The following EPB41L2 variants were observed in gnomAD, a reference collection of about 807,000 sequenced individuals.
EPB41L2 encodes the protein erythrocyte membrane protein band 4.1 like 2.
A neutral mutation model predicts 113.0 loss-of-function variants in EPB41L2; 43 were observed. That is an observed-to-expected ratio of 0.38 (90% CI 0.30 to 0.49). The LOEUF is 0.49. Among genes scored for constraint, EPB41L2 ranks in the 20% least tolerant of loss-of-function variants. The pLI is 0.95. For missense variants in EPB41L2, 1,147 were observed against 1,223.4 expected (o/e 0.94, Z 0.93); for synonymous variants, 442 against 436.7 (o/e 1.01, Z -0.15).
Position 130,956,277 on chromosome 6 carries a change from T to G in EPB41L2, c.209A>C (p.Glu70Ala), listed in dbSNP as rs139590826. The G allele has an allele frequency of 1.1e-4, 177 of 1,614,226 alleles. No homozygotes were observed. In the African/African-American group the frequency reaches 2.0e-3, roughly 18 times the overall value. Residue 70 changes from glutamate (E) to alanine (A), a missense_variant, in exon 2 of 20, where the codon GAG becomes GCG. Transcript: ENST00000337057. ...RRQKREKETS[E>A]SRGISRFIPP... ...TATGAACCGAGAAATACCCCTGCTC[T>G]CCGATGTTTCCTTCTCTCTCTTCTG...
Position 130,926,844 on chromosome 6 carries a change from T to A in EPB41L2, c.706-135A>T. ...TTTGTTTTCTCATTTTCTAACAATA[T>A]AAAAGTGATTAATTTTTTAACTTTA... On this transcript the variant is annotated intron_variant, in intron 3 of 19. Transcript: ENST00000337057. The A allele has an allele frequency of 6.8e-6, 4 of 590,958 alleles. No homozygotes were observed. In the South Asian group the frequency reaches 1.0e-4, roughly 15 times the overall value. 36.6% of individuals were successfully genotyped at this position (590,958 alleles called of 1,614,324 possible).
chr6:130,955,914 G>T, intron 2 of EPB41L2, 80 bp downstream of exon 2: 3 of 1,526,778 alleles, frequency 2.0e-6, no homozygotes, highest in Middle Eastern at 3.5e-4. Flanking sequence ...ATCTGGAAAT[G>T]ATCCAAAACA....
At chr6:130,940,296 T>C (rs954446925) in intron 3 of EPB41L2, among the ~76,000 whole-genome samples, 1 of 152,090 alleles carries the variant, frequency 6.6e-6, no homozygotes, top group Non-Finnish European at 1.5e-5. Context: ...CCTGAACAAA[T>C]GTTTCTGGTA....
intron 1 of EPB41L2, among the ~76,000 whole-genome samples, chr6:131,004,034 T>C (rs1784922633): frequency 6.6e-6 from 1 of 152,250 alleles, no homozygotes; most frequent in Non-Finnish European, 1.5e-5. Flanking sequence ...CATCAAATAT[T>C]GTCAAGGATC....
intron 1 of EPB41L2, among the ~76,000 whole-genome samples, chr6:130,973,953 G>A (rs1448319486): frequency 6.6e-6 from 1 of 152,140 alleles, no homozygotes; most frequent in African/African-American, 2.4e-5. Flanking sequence ...ACCTATAGCA[G>A]CACTGGGCCC....
In EPB41L2 at chr6:130,953,848, G is replaced by C. The variant is rs925199021; in HGVS notation, c.705+1257C>G. ...CCAGAAAGGAGGGGCCATCCTGGAA[G>C]CAGAGATCAAGCCCCTCACCAGACA... On this transcript the variant is annotated intron_variant, in intron 3 of 19. Transcript: ENST00000337057. Among the ~76,000 whole-genome samples, 12 of 151,872 alleles carry C rather than the reference G, an allele frequency of 7.9e-5. No individual in the cohort carries two copies. In the East Asian group the frequency reaches 2.3e-3, roughly 29 times the overall value.
rs9388874 is a variant in EPB41L2, at chr6:130,997,367, C to T, written c.-14-40868G>A. Among the ~76,000 whole-genome samples, 7 of 152,258 alleles carry T rather than the reference C, an allele frequency of 4.6e-5. No homozygotes were observed. In the East Asian group the frequency reaches 1.2e-3, roughly 25 times the overall value. On this transcript the variant is annotated intron_variant, in intron 1 of 19. Transcript: ENST00000337057. ...ACATCAACAAAAGACTTAAGAGTTC[C>T]TGCTCAGAAGTTGTTTTAACAGTTT...
intron 1 of EPB41L2, among the ~76,000 whole-genome samples, chr6:131,050,982 T>C (rs1796402285): frequency 6.6e-6 from 1 of 152,192 alleles, no homozygotes; most frequent in Non-Finnish European, 1.5e-5. Flanking sequence ...ACTAATGCTG[T>C]CACCTCTGAT....
chr6:131,031,594 T>C (rs12209466), intron 1 of EPB41L2, among the ~76,000 whole-genome samples: 1 of 152,194 alleles, frequency 6.6e-6, no homozygotes, highest in African/African-American at 2.4e-5. Context: ...TTCTGTCATA[T>C]GAATTGCCAC....
At chr6:131,061,729 T>A (rs967262275) in intron 1 of EPB41L2, among the ~76,000 whole-genome samples, 1 of 151,868 alleles carries the variant, frequency 6.6e-6, no homozygotes, top group East Asian at 1.9e-4. Flanking sequence ...CAAGGTGAAA[T>A]CTGACAGAAC....
intron 19 of EPB41L2, among the ~76,000 whole-genome samples, chr6:130,846,026 T>C (rs942403380): frequency 6.6e-6 from 1 of 152,196 alleles, no homozygotes; most frequent in South Asian, 2.1e-4. Context: ...GAAAATGAAG[T>C]TGAGCCTGTC....
chr6:130,904,495 T>C lies in EPB41L2; in HGVS notation c.899A>G (p.Asp300Gly). ...GATATCTTCAGTCAATTGAGAAGGA[T>C]CAGGAGGATAAAACTTCACATTAAA... ...FTFNVKFYPP[D>G]PSQLTEDITR... The change falls in exon 6 of 20, where the codon GAT becomes GGT. Residue 300 changes from aspartate (D) to glycine (G), a missense_variant. Physicochemically the swap from Asp to Gly is moderately conservative, Grantham distance 94. Transcript: ENST00000337057. 6.2e-7 allele frequency: 1 copy of C among 1,607,166 alleles called. No homozygotes were observed. The highest frequency in any genetic ancestry group is 8.5e-7 in the Non-Finnish European group (1 of 1,175,356).
chr6:130,885,454 G>C (rs1790639849), intron 11 of EPB41L2, among the ~76,000 whole-genome samples, 186 bp from the exon 12 acceptor site: 2 of 152,108 alleles, frequency 1.3e-5, no homozygotes, highest in Admixed American at 1.3e-4. Context: ...ACCAAATTCT[G>C]AAAGTATTCT....
At chr6:130,891,428 TTTACTTACTTACTTAC>T (rs34546609) in intron 10 of EPB41L2, among the ~76,000 whole-genome samples, 1 of 149,364 alleles carries the variant, frequency 6.7e-6, no homozygotes, top group African/African-American at 2.5e-5. Context: ...TATTTATTTA[TTTACTTACTTACTTAC>T]TTACTTACTT....
intron 1 of EPB41L2, among the ~76,000 whole-genome samples, chr6:131,058,279 A>T (rs1797983608): frequency 6.6e-6 from 1 of 152,198 alleles, no homozygotes; most frequent in Non-Finnish European, 1.5e-5. Context: ...GAAGTAAGAG[A>T]CATCACTTTA....
intron 1 of EPB41L2, among the ~76,000 whole-genome samples, chr6:130,986,228 A>G (rs1157230765): frequency 2.6e-5 from 4 of 152,220 alleles, no homozygotes; most frequent in Non-Finnish European, 4.4e-5. Flanking sequence ...GATCACCTCA[A>G]TAGACACAGA....
intron 1 of EPB41L2, among the ~76,000 whole-genome samples, chr6:131,009,530 A>G (rs954192505): frequency 1.3e-5 from 2 of 152,148 alleles, no homozygotes; most frequent in African/African-American, 2.4e-5. Context: ...ACACCTGTAC[A>G]TAAAGCAAAA....
chr6:130,855,170 G>A (rs544363783), intron 19 of EPB41L2, among the ~76,000 whole-genome samples: 9 of 41,704 alleles, frequency 2.2e-4, no homozygotes, highest in Admixed American at 3.3e-4. Flanking sequence ...CCAACATGGC[G>A]AAACCCTGTC....
At chr6:130,880,103 G>A in intron 13 of EPB41L2, 41 bp downstream of exon 13, 2 of 1,475,994 alleles carry the variant, frequency 1.4e-6, no homozygotes, top group Non-Finnish European at 1.9e-6. Context: ...CAGCAGCCGG[G>A]CAGCCATTAG....
Sources: gnomAD v4.1 joint callset for allele counts (sites outside exome capture counted in the v4.1 genomes callset) on GRCh38, gnomAD v4.1.1 for gene constraint, MANE v1.5 for transcripts, NCBI Gene and HGNC (gene_info 2026-07-23, HGNC 2026-07-21) for gene names.